The following ZNF418 variants were observed in gnomAD, a reference collection of about 807,000 sequenced individuals.
The protein encoded by ZNF418 is zinc finger protein 418.
In ZNF418, 32 loss-of-function variants were observed where a neutral mutation model predicts 32.0. That is an observed-to-expected ratio of 1.00 (90% CI 0.75 to 1.34). The LOEUF (loss-of-function observed/expected upper bound fraction) is 1.34. Among genes scored for constraint, ZNF418 ranks in the 40% most tolerant of loss-of-function variants. ZNF418 has a pLI of 0.00. For missense variants in ZNF418, 804 were observed against 812.5 expected, an observed-to-expected ratio of 0.99 and a Z score of 0.13; for synonymous variants, 276 against 270.7, an observed-to-expected ratio of 1.02 and a Z score of -0.19.
Position 57,925,853 on chromosome 19 carries a change from G to A in ZNF418, c.*297C>T, listed in dbSNP as rs144583939. 1.2e-3 allele frequency: 373 copies of A among 319,868 alleles called. 2 individuals carry two copies. Among genetic ancestry groups the A allele is most frequent in the East Asian group, 8.8e-3 (166 of 18,774 alleles). The allele number at this position is 319,868 out of a possible 1,614,324, so 19.8% of individuals were successfully genotyped here. On this transcript the variant is annotated 3_prime_UTR_variant, in exon 4 of 6. Transcript: ENST00000396147. ...TATGTCAATTTAGGCAGATGGCTCCGTCATAAGGCATCTCCTCCAGTGTTA... is the reference window on the plus strand; with the variant it reads ...TATGTCAATTTAGGCAGATGGCTCCATCATAAGGCATCTCCTCCAGTGTTA...
In ZNF418 at chr19:57,927,666, G is replaced by A; in HGVS notation, c.515C>T (p.Ser172Leu). The change falls in exon 4 of 6, where the codon TCA (serine) becomes TTA (leucine). Residue 172 changes from serine (S) to leucine (L), a missense_variant. By Grantham distance (145) the Ser-to-Leu change is moderately radical. Coordinates refer to ENST00000396147, the MANE Select transcript of ZNF418 (RefSeq NM_133460.3). Reference protein sequence around the residue: ...IQSGKDFLPSSGLLLQEATHT... With the variant: ...IQSGKDFLPSLGLLLQEATHT... The stretch of plus-strand genomic sequence containing the variant: ...AGTGGCCTCCTGCAGCAGTAATCCT[G>A]AGCTGGGCAAAAAGTCCTTTCCACT... 1.2e-6 allele frequency: 2 copies of A among 1,614,114 alleles called. No homozygotes were observed. Among genetic ancestry groups the A allele is most frequent in the South Asian group, 1.1e-5 (1 of 91,054 alleles).
intron 4 of ZNF418, among the ~76,000 whole-genome samples, chr19:57,924,643 G>A (rs904883546): frequency 6.6e-6 from 1 of 152,106 alleles, no homozygotes; most frequent in Non-Finnish European, 1.5e-5. Flanking sequence ...CATAACCTGG[G>A]ACACCACACT....
chr19:57,925,264 T>A (rs1331437161), intron 4 of ZNF418, among the ~76,000 whole-genome samples: 1 of 151,930 alleles, frequency 6.6e-6, no homozygotes, highest in East Asian at 1.9e-4. Context: ...ATCGAGACCA[T>A]CCTGGCTAAC....
At chr19:57,933,504 C>T (rs1319743629) in intron 2 of ZNF418, among the ~76,000 whole-genome samples, 6 of 152,278 alleles carry the variant, frequency 3.9e-5, no homozygotes, top group Admixed American at 1.3e-4. Flanking sequence ...CGATGGATCA[C>T]GAGGTCAGGA....
rs1258980270 is a variant in ZNF418, at chr19:57,926,934, T to C, written c.1247A>G (p.His416Arg). The stretch of plus-strand genomic sequence containing the variant: ...TCTTTCTCCAGTGTGACCTCGCTGA[T>C]GGTTCCTAAGGTGTCCCTTTCGACT... Reference protein sequence around the residue: ...SFSRKGHLRNHQRGHTGERPY... With the variant: ...SFSRKGHLRNRQRGHTGERPY... Residue 416 changes from histidine to arginine, a missense_variant, in exon 4 of 6, where the codon CAT becomes CGT. This residue lies in a region of ZNF418 where 475 missense variants were observed against 458.6 expected (regional missense o/e 1.04). Coordinates refer to ENST00000396147, the MANE Select transcript of ZNF418 (RefSeq NM_133460.3). The C allele has an allele frequency of 6.2e-7, 1 of 1,614,088 alleles. No homozygotes were observed. The highest frequency in any genetic ancestry group is 1.1e-5 in the South Asian group (1 of 91,060).
intron 3 of ZNF418, among the ~76,000 whole-genome samples, chr19:57,929,029 T>C (rs2072370666): frequency 6.6e-6 from 1 of 151,818 alleles, no homozygotes; most frequent in South Asian, 2.1e-4. Flanking sequence ...AAAACACAAT[T>C]TGTACACACT....
Position 57,926,339 on chromosome 19 carries a change from A to G in ZNF418, c.1842T>C (p.Thr614=). 6.2e-7 allele frequency: 1 copy of G among 1,610,976 alleles called. No individual in the cohort carries two copies. Among genetic ancestry groups the G allele is most frequent in the Non-Finnish European group, 8.5e-7 (1 of 1,178,552 alleles). ...SAHFKHQRLH[T]RGKPYECSEC... ...CGCTGCACTCGTAAGGCTTTCCTCGAGTATGAAGTCTCTGATGTTTAAAAT... is the reference window on the plus strand; with the variant it reads ...CGCTGCACTCGTAAGGCTTTCCTCGGGTATGAAGTCTCTGATGTTTAAAAT... Residue 614 remains threonine (T), a synonymous_variant, in exon 4 of 6, where the codon ACT becomes ACC. Coordinates refer to ENST00000396147, the MANE Select transcript of ZNF418 (RefSeq NM_133460.3).
At position 57,926,004 on chromosome 19, in the gene ZNF418, T is replaced by C. The variant is rs1047175771; in HGVS notation, c.*146A>G. The C allele has an allele frequency of 2.7e-5, 18 of 661,344 alleles. No homozygotes were observed. The highest frequency in any genetic ancestry group is 4.3e-5 in the Non-Finnish European group (17 of 392,536). 41.0% of individuals were successfully genotyped at this position (661,344 alleles called of 1,614,324 possible). A position where few individuals can be genotyped will look rare whatever the true frequency, so the allele number is the denominator to read the frequency against. The stretch of plus-strand genomic sequence containing the variant: ...TCGCACTCAAGAGGCCCTTCTGCAG[T>C]GGGAGCTCTTCTGTATGTAATAAAA... On this transcript the variant is annotated 3_prime_UTR_variant, in exon 4 of 6. Transcript: ENST00000396147.
intron 4 of ZNF418, among the ~76,000 whole-genome samples, chr19:57,924,433 T>C (rs2072133547): frequency 6.6e-6 from 1 of 152,174 alleles, no homozygotes; most frequent in Non-Finnish European, 1.5e-5. Flanking sequence ...GAATCCTTTA[T>C]ATTATTTCCT....
Position 57,926,108 on chromosome 19 carries a change from A to C in ZNF418, c.*42T>G, listed in dbSNP as rs549225277. The stretch of plus-strand genomic sequence containing the variant: ...TCCAGTAAGAACCCTCTGATCAAGA[A>C]GATGCACAGAGGTTTAGCTAAAGAA... On this transcript the variant is annotated 3_prime_UTR_variant, in exon 4 of 6. Transcript: ENST00000396147. The C allele has an allele frequency of 2.3e-5, 35 of 1,506,070 alleles. No homozygotes were observed. In the South Asian group the frequency reaches 2.6e-4, roughly 11 times the overall value. The allele number at this position is 1,506,070 out of a possible 1,614,324, so 93.3% of individuals were successfully genotyped here.
Position 57,927,797 on chromosome 19 carries a change from C to T in ZNF418, c.384G>A (p.Gln128=), listed in dbSNP as rs1298622722. ...AGGGTTTCTCTCCAAGGTACTGATT[C>T]TGGTGCGGACGGTTTGAACTATCAT... The part of the protein sequence containing the change: ...KLYDSSNRPH[Q]NQYLGEKPYR... The change falls in exon 4 of 6, where the codon CAG becomes CAA. Residue 128 remains glutamine, a synonymous_variant. Coordinates refer to ENST00000396147, the MANE Select transcript of ZNF418 (RefSeq NM_133460.3). The T allele has an allele frequency of 6.2e-7, 1 of 1,614,100 alleles. No individual in the cohort carries two copies. The highest frequency in any genetic ancestry group is 8.5e-7 in the Non-Finnish European group (1 of 1,180,052).
At position 57,926,304 on chromosome 19, in the gene ZNF418, T is replaced by C. The variant is rs1234141601; in HGVS notation, c.1877A>G (p.Lys626Arg). ...AAGACTGAAGGTTTCAGCAAAGGAT[T>C]TCCCACATTCGCTGCACTCGTAAGG... ...GKPYECSECG[K>R]SFAETFSLTE... Residue 626 changes from lysine (K) to arginine (R), a missense_variant, in exon 4 of 6, where the codon AAA becomes AGA. By Grantham distance (26) the Lys-to-Arg change is conservative. Transcript: ENST00000396147. The C allele has an allele frequency of 6.2e-7, 1 of 1,612,266 alleles. No individual in the cohort carries two copies. The highest frequency in any genetic ancestry group is 1.7e-5 in the Admixed American group (1 of 59,892).
intron 2 of ZNF418, chr19:57,932,385 G>C: frequency 6.6e-7 from 1 of 1,518,992 alleles, no homozygotes; most frequent in South Asian, 1.2e-5. Context: ...GTGGCTGACA[G>C]AATTCAGAGT....
At chr19:57,934,039 C>G (rs1404840453) in intron 1 of ZNF418, 137 bp from the exon 2 acceptor site, 23 of 1,461,566 alleles carry the variant, frequency 1.6e-5, no homozygotes, top group Non-Finnish European at 2.1e-5. Flanking sequence ...CATGGGTTGA[C>G]AGAAATGGGA....
chr19:57,924,302 C>T (rs1291272202), intron 4 of ZNF418, among the ~76,000 whole-genome samples: 1 of 152,156 alleles, frequency 6.6e-6, no homozygotes, highest in Non-Finnish European at 1.5e-5. Context: ...AATTGGAACA[C>T]TGGTTGGTCA....
chr19:57,928,512 C>A (rs1454967225), intron 3 of ZNF418, among the ~76,000 whole-genome samples: 1 of 152,144 alleles, frequency 6.6e-6, no homozygotes, highest in Non-Finnish European at 1.5e-5. Context: ...AATCCACCCA[C>A]ATCGGCCTCC....
chr19:57,929,011 C>CAAAAA (rs1216285674), intron 3 of ZNF418, among the ~76,000 whole-genome samples: 10 of 14,852 alleles, frequency 6.7e-4, no homozygotes, highest in East Asian at 5.9e-3. Context: ...AAAACAAAAA[C>CAAAAA]CAAAAACAAA....
rs2072196035 is a variant in ZNF418 at position 57,925,870 on chromosome 19, CCA to C, written c.*278_*279del. ...ATGGCTCCGTCATAAGGCATCTCCT[CCA>C]GTGTTATGTTTTACAAGAAATAATA... On this transcript the variant is annotated 3_prime_UTR_variant, in exon 4 of 6. Transcript: ENST00000396147. 2.7e-6 allele frequency: 1 copy of C among 376,268 alleles called. No homozygotes were observed. Among genetic ancestry groups the C allele is most frequent in the African/African-American group, 2.0e-5 (1 of 49,632 alleles). The allele number at this position is 376,268 out of a possible 1,614,324, so 23.3% of individuals were successfully genotyped here.
In ZNF418 at chr19:57,925,866, T is replaced by TC. The variant is rs1342139716; in HGVS notation, c.*283dup. ...GCAGATGGCTCCGTCATAAGGCATC[T>TC]CCTCCAGTGTTATGTTTTACAAGAA... On this transcript the variant is annotated 3_prime_UTR_variant, in exon 4 of 6. Transcript: ENST00000396147. 8 of 350,852 alleles carry TC rather than the reference T, an allele frequency of 2.3e-5. No individual in the cohort carries two copies. Among genetic ancestry groups the TC allele is most frequent in the Non-Finnish European group, 4.1e-5 (8 of 193,888 alleles). 21.7% of individuals were successfully genotyped at this position (350,852 alleles called of 1,614,324 possible).
Sources: allele counts gnomAD v4.1 joint callset (sites outside exome capture counted in the v4.1 genomes callset), GRCh38; gene constraint gnomAD v4.1.1; regional missense constraint gnomAD v4.1.1; transcripts MANE v1.5; gene names NCBI Gene and HGNC (gene_info 2026-07-23, HGNC 2026-07-21).